XYLT1: variants seen among roughly 807,000 people sequenced by gnomAD.
XYLT1 encodes beta-D-xylosyltransferase 1.
Under a neutral mutation model 91.3 loss-of-function variants are expected in XYLT1, and 36 were observed. That is an observed-to-expected ratio of 0.39 (90% CI 0.30 to 0.52). XYLT1 has a LOEUF of 0.52. Among genes scored for constraint, XYLT1 ranks in the 20% least tolerant of loss-of-function variants. The pLI, the probability that XYLT1 is intolerant of heterozygous loss-of-function variation, is 0.68. For synonymous variants in XYLT1, 588 were observed against 532.0 expected (o/e 1.11, Z -1.45); for missense variants, 1,242 against 1,284.5 (o/e 0.97, Z 0.51).
At chr16:17,197,543 T>A (rs1275617013) in intron 5 of XYLT1, among the ~76,000 whole-genome samples, 1 of 152,054 alleles carries the variant, frequency 6.6e-6, no homozygotes, top group Non-Finnish European at 1.5e-5. Context: ...CAAAGGAGAT[T>A]AACATTTGAG....
intron 1 of XYLT1, among the ~76,000 whole-genome samples, chr16:17,440,342 A>G (rs543814443): frequency 1.3e-5 from 2 of 152,362 alleles, no homozygotes; most frequent in African/African-American, 4.8e-5. Context: ...ACTGAACCAG[A>G]GCACGCTGCT....
At chr16:17,299,108 A>G (rs1011682974) in intron 2 of XYLT1, among the ~76,000 whole-genome samples, 3 of 152,170 alleles carry the variant, frequency 2.0e-5, no homozygotes, top group Non-Finnish European at 2.9e-5. Context: ...TTCAGTATGC[A>G]CAAACCCTGG....
At chr16:17,266,401 C>T (rs2033805393) in intron 2 of XYLT1, among the ~76,000 whole-genome samples, 1 of 152,178 alleles carries the variant, frequency 6.6e-6, no homozygotes, top group South Asian at 2.1e-4. Flanking sequence ...GTTGCATGTA[C>T]TAACTCATTT....
chr16:17,373,110 T>C (rs1418469862), intron 1 of XYLT1, among the ~76,000 whole-genome samples: 1 of 152,222 alleles, frequency 6.6e-6, no homozygotes. Flanking sequence ...AGCTGCCATA[T>C]AAAACCAGCA....
chr16:17,264,250 G>A (rs1353532535), intron 2 of XYLT1, among the ~76,000 whole-genome samples: 1 of 152,068 alleles, frequency 6.6e-6, no homozygotes, highest in African/African-American at 2.4e-5. Context: ...CCAACTCCTG[G>A]CAACTACTAC....
At chr16:17,156,680 C>T (rs1261333348) in intron 6 of XYLT1, among the ~76,000 whole-genome samples, 1 of 152,168 alleles carries the variant, frequency 6.6e-6, no homozygotes, top group Non-Finnish European at 1.5e-5. Flanking sequence ...CAAAAAGGGC[C>T]CACTTAGTAG....
intron 6 of XYLT1, among the ~76,000 whole-genome samples, chr16:17,154,564 A>T (rs2031359890): frequency 6.6e-6 from 1 of 152,204 alleles, no homozygotes; most frequent in Non-Finnish European, 1.5e-5. Context: ...GAGAGTAAAC[A>T]TGCGGCCACC....
rs147059649 is a variant in XYLT1 at position 17,333,591 on chromosome 16, AT to A, written c.402+24420del. ...ATTAATTAATTAATTAATTTAATTTATTTTTTTTTTTTTTGAGATGAAGTCT... is the reference window on the plus strand; with the variant it reads ...ATTAATTAATTAATTAATTTAATTTATTTTTTTTTTTTTGAGATGAAGTCT... On this transcript the variant is annotated intron_variant, in intron 2 of 11. Transcript: ENST00000261381. Among the ~76,000 whole-genome samples, 223 of 140,712 alleles carry A rather than the reference AT, an allele frequency of 1.6e-3. 3 individuals carry two copies. Among genetic ancestry groups the A allele is most frequent in the Middle Eastern group, 3.5e-3 (1 of 282 alleles). The allele number at this position is 140,712 out of a possible 152,430, so 92.3% of individuals were successfully genotyped here. A position where few individuals can be genotyped will look rare whatever the true frequency, so the allele number is the denominator to read the frequency against.
rs569892455 is a variant in XYLT1 at position 17,207,260 on chromosome 16, G to A, written c.914-6606C>T. Among the ~76,000 whole-genome samples the A allele has an allele frequency of 3.5e-3, 538 of 152,082 alleles. 4 individuals carry two copies. Among genetic ancestry groups the A allele is most frequent in the Non-Finnish European group, 5.6e-3 (384 of 67,978 alleles). The stretch of plus-strand genomic sequence containing the variant: ...TTTTTGATAGAGACAGGGTTTCACC[G>A]TGTTGGCTGGGTTGGTCTCGAACTC... On this transcript the variant is annotated intron_variant, in intron 3 of 11. Coordinates refer to ENST00000261381, the MANE Select transcript of XYLT1 (RefSeq NM_022166.4).
At chr16:17,247,156 T>C (rs28430798) in intron 3 of XYLT1, among the ~76,000 whole-genome samples, 74,824 of 125,560 alleles carry the variant, frequency 0.6, 18,940 homozygotes, top group African/African-American at 0.64. Flanking sequence ...TTCATTCATT[T>C]ATTCATTCAC....
chr16:17,106,629 C>T lies in XYLT1; in HGVS notation c.*2066G>A, dbSNP rs892123729. On this transcript the variant is annotated 3_prime_UTR_variant, in exon 12 of 12. Coordinates refer to ENST00000261381, the MANE Select transcript of XYLT1 (RefSeq NM_022166.4). ...ACGGAGCAAGCAGGAATGGCCCAAA[C>T]TCTCTGCAGCTAGCACATTCCCCAC... 2 of 152,222 alleles carry T rather than the reference C, an allele frequency of 1.3e-5. No homozygotes were observed. The highest frequency in any genetic ancestry group is 2.9e-5 in the Non-Finnish European group (2 of 68,108). 9.4% of individuals were successfully genotyped at this position (152,222 alleles called of 1,614,324 possible).
intron 1 of XYLT1, among the ~76,000 whole-genome samples, chr16:17,385,713 G>A (rs1408692641): frequency 1.3e-5 from 2 of 151,930 alleles, no homozygotes; most frequent in East Asian, 4.0e-4. Flanking sequence ...TTGGTCAATA[G>A]AGAGACACCT....
At chr16:17,308,010 T>A (rs771776656) in intron 2 of XYLT1, among the ~76,000 whole-genome samples, 1 of 152,222 alleles carries the variant, frequency 6.6e-6, no homozygotes, top group African/African-American at 2.4e-5. Flanking sequence ...CCACTCTCCA[T>A]GATCTGCAGT....
chr16:17,299,567 C>T (rs915204047), intron 2 of XYLT1, among the ~76,000 whole-genome samples: 18 of 152,162 alleles, frequency 1.2e-4, no homozygotes, highest in Non-Finnish European at 2.1e-4. Context: ...GAATTGCTAG[C>T]GTCCCTTCCA....
intron 5 of XYLT1, among the ~76,000 whole-genome samples, chr16:17,174,398 C>G (rs987415660): frequency 6.6e-5 from 10 of 152,110 alleles, no homozygotes; most frequent in African/African-American, 2.4e-4. Context: ...TGGATAAAGC[C>G]AAATGAGGTC....
intron 2 of XYLT1, among the ~76,000 whole-genome samples, chr16:17,332,010 A>G (rs1231438653): frequency 6.6e-6 from 1 of 152,212 alleles, no homozygotes; most frequent in Non-Finnish European, 1.5e-5. Flanking sequence ...TTATTTAAAC[A>G]AGACAATCAT....
intron 3 of XYLT1, chr16:17,250,880 A>G (rs1424772548): frequency 6.6e-6 from 1 of 152,170 alleles, no homozygotes; most frequent in Non-Finnish European, 1.5e-5. Flanking sequence ...GTACCTTTTA[A>G]CTTTTCACAG....
chr16:17,153,890 C>T (rs971524861), intron 6 of XYLT1, among the ~76,000 whole-genome samples: 2 of 152,108 alleles, frequency 1.3e-5, no homozygotes, highest in African/African-American at 4.8e-5. Flanking sequence ...ACCTCGAGAG[C>T]GTAAACCTGC....
At chr16:17,450,101 G>A (rs1025389468) in intron 1 of XYLT1, among the ~76,000 whole-genome samples, 1 of 152,154 alleles carries the variant, frequency 6.6e-6, no homozygotes, top group African/African-American at 2.4e-5. Context: ...ACTTTGGGAG[G>A]TGGAGGCAGG....
Sources: gnomAD v4.1 joint callset for allele counts (sites outside exome capture counted in the v4.1 genomes callset) on GRCh38, gnomAD v4.1.1 for gene constraint, MANE v1.5 for transcripts, NCBI Gene and HGNC (gene_info 2026-07-23, HGNC 2026-07-21) for gene names.